The following RBFOX1 variants were observed in gnomAD, a reference collection of about 807,000 sequenced individuals.
RBFOX1 encodes RNA binding protein fox-1 homolog 1.
RBFOX1 carries 8 observed loss-of-function variants against 57.7 expected under a neutral mutation model. That is an observed-to-expected ratio of 0.14 (90% CI 0.08 to 0.25). RBFOX1 has a LOEUF of 0.25. RBFOX1 is among the 10% of genes least tolerant of loss of function. The probability of loss-of-function intolerance (pLI) is 1.00; values close to 1 mark genes in which losing one functional copy is unlikely to be tolerated. For synonymous variants in RBFOX1, 326 were observed against 222.4 expected (o/e 1.47, Z -4.15); for missense variants, 611 against 548.5 (o/e 1.11, Z -1.14).
intron 4 of RBFOX1, among the ~76,000 whole-genome samples, chr16:7,218,761 G>C (rs1447836233): frequency 6.6e-6 from 1 of 151,038 alleles, no homozygotes; most frequent in African/African-American, 2.4e-5. Context: ...TTTCAGCAGA[G>C]ATTGCCTTTT....
At chr16:5,287,239 G>C (rs144440594) in intron 1 of RBFOX1, among the ~76,000 whole-genome samples, 1 of 152,112 alleles carries the variant, frequency 6.6e-6, no homozygotes, top group Non-Finnish European at 1.5e-5. Flanking sequence ...AGGATTTTGC[G>C]GTTATAGTGA....
At chr16:7,053,478 C>T (rs2050810664) in intron 4 of RBFOX1, among the ~76,000 whole-genome samples, 2 of 152,092 alleles carry the variant, frequency 1.3e-5, no homozygotes, top group Admixed American at 6.5e-5. Flanking sequence ...TGGATGGGGA[C>T]GATGGTCAGA....
intron 3 of RBFOX1, among the ~76,000 whole-genome samples, chr16:6,978,819 G>T (rs145412225): frequency 3.9e-5 from 6 of 152,088 alleles, no homozygotes; most frequent in African/African-American, 9.7e-5. Flanking sequence ...TGCCTATATC[G>T]GGTAACAAAT....
intron 3 of RBFOX1, among the ~76,000 whole-genome samples, chr16:6,897,362 C>A (rs2067198055): frequency 6.7e-6 from 1 of 150,368 alleles, no homozygotes; most frequent in African/African-American, 2.5e-5. Flanking sequence ...GAGGTCGTGC[C>A]ATTGCACTCC....
At chr16:7,047,537 G>A (rs553282277) in intron 3 of RBFOX1, among the ~76,000 whole-genome samples, 7 of 151,480 alleles carry the variant, frequency 4.6e-5, no homozygotes, top group Admixed American at 2.6e-4. Flanking sequence ...TGTGGATTTC[G>A]TTGATTTTAA....
chr16:7,388,170 A>G (rs1274217048), intron 4 of RBFOX1, among the ~76,000 whole-genome samples: 2 of 152,108 alleles, frequency 1.3e-5, no homozygotes, highest in African/African-American at 2.4e-5. Context: ...CTCAGATTGC[A>G]TGGAGCTAGA....
At chr16:5,291,907 G>T (rs1432723323) in intron 1 of RBFOX1, among the ~76,000 whole-genome samples, 1 of 152,120 alleles carries the variant, frequency 6.6e-6, no homozygotes, top group Non-Finnish European at 1.5e-5. Context: ...GGGCCCTCCA[G>T]CCGAAGGTTA....
At chr16:7,640,964 C>A (rs1168713841) in intron 11 of RBFOX1, among the ~76,000 whole-genome samples, 1 of 150,774 alleles carries the variant, frequency 6.6e-6, no homozygotes, top group South Asian at 2.1e-4. Flanking sequence ...GTTGCAGGGG[C>A]CAACGGCAAG....
intron 3 of RBFOX1, among the ~76,000 whole-genome samples, chr16:6,955,546 T>C (rs1239581292): frequency 5.3e-5 from 8 of 152,224 alleles, no homozygotes; most frequent in African/African-American, 1.9e-4. Context: ...AGGGCAGTTT[T>C]ACTCTTCTCT....
chr16:7,396,874 G>C (rs570090356), intron 4 of RBFOX1, among the ~76,000 whole-genome samples: 1 of 152,308 alleles, frequency 6.6e-6, no homozygotes, highest in South Asian at 2.1e-4. Flanking sequence ...CCAGGAGACA[G>C]AGGTTGCAGT....
chr16:5,255,354 C>CTCCATCCATCCATCCATCCATCCATCCA (rs750177791), intron 1 of RBFOX1, among the ~76,000 whole-genome samples: 55 of 86,328 alleles, frequency 6.4e-4, no homozygotes, highest in Middle Eastern at 6.2e-3. Context: ...CCATCCATCC[C>CTCCATCCATCCATCCATCCATCCATCCA]TCCATCCATC....
chr16:7,569,844 G>C (rs1012182041), intron 5 of RBFOX1, among the ~76,000 whole-genome samples: 2 of 126,264 alleles, frequency 1.6e-5, no homozygotes, highest in Non-Finnish European at 3.6e-5. Context: ...GGGAATGGGA[G>C]TGAGCGCCTC....
At chr16:6,412,539 C>T (rs1408869637) in intron 2 of RBFOX1, among the ~76,000 whole-genome samples, 2 of 152,162 alleles carry the variant, frequency 1.3e-5, no homozygotes, top group African/African-American at 2.4e-5. Context: ...AATGGAAACT[C>T]TCACCAATGT....
chr16:6,668,463 C>G (rs950237551), intron 3 of RBFOX1, among the ~76,000 whole-genome samples: 1 of 152,170 alleles, frequency 6.6e-6, no homozygotes, highest in African/African-American at 2.4e-5. Context: ...GCCTGTTTTC[C>G]TTATGTTTTG....
intron 10 of RBFOX1, among the ~76,000 whole-genome samples, chr16:7,618,944 C>T (rs535033454): frequency 3.9e-5 from 6 of 152,268 alleles, no homozygotes; most frequent in Non-Finnish European, 8.8e-5. Flanking sequence ...TCCGCATCTG[C>T]ATTAGCTATT....
At position 6,361,888 on chromosome 16, in the gene RBFOX1, A is replaced by G. The variant is rs556953500; in HGVS notation, c.-64+44831A>G. ...AAAAGAACCTTTCATTTGTTTATTG[A>G]TCCAGCCGTTTTTGTTTTTTTTCAC... On this transcript the variant is annotated intron_variant, in intron 2 of 15. Transcript: ENST00000550418. Among the ~76,000 whole-genome samples the G allele has an allele frequency of 4.6e-5, 7 of 152,186 alleles. 1 individual carries two copies. In the South Asian group the frequency reaches 1.5e-3, roughly 32 times the overall value.
At chr16:6,622,522 C>G (rs2098248078) in intron 2 of RBFOX1, among the ~76,000 whole-genome samples, 1 of 151,966 alleles carries the variant, frequency 6.6e-6, no homozygotes, top group Non-Finnish European at 1.5e-5. Context: ...TATAACTGCA[C>G]CGTGTGATGT....
intron 2 of RBFOX1, among the ~76,000 whole-genome samples, chr16:6,475,127 C>G (rs1047673870): frequency 1.3e-5 from 2 of 152,128 alleles, no homozygotes; most frequent in Non-Finnish European, 2.9e-5. Flanking sequence ...CAAAATAGTA[C>G]TTGGAGCTCT....
chr16:6,332,129 T>C (rs2083114107), intron 2 of RBFOX1, among the ~76,000 whole-genome samples: 1 of 152,188 alleles, frequency 6.6e-6, no homozygotes, highest in Non-Finnish European at 1.5e-5. Flanking sequence ...AAAGTGCTAA[T>C]ATGTGGATGC....
Sources: allele counts gnomAD v4.1 joint callset (sites outside exome capture counted in the v4.1 genomes callset), GRCh38; gene constraint gnomAD v4.1.1; transcripts MANE v1.5; gene names NCBI Gene and HGNC (gene_info 2026-07-23, HGNC 2026-07-21).